PROM1: variants seen among roughly 807,000 people sequenced by gnomAD.
PROM1 encodes the protein prominin 1.
In PROM1, 105 loss-of-function variants were observed where a neutral mutation model predicts 116.9. The ratio of observed to expected loss-of-function variants is 0.90; its 90% CI spans 0.77 to 1.06. The LOEUF (loss-of-function observed/expected upper bound fraction) is 1.06. Ranked by LOEUF, PROM1 falls within the 50% of genes least tolerant of loss-of-function variation. PROM1 has a pLI of 0.00. For synonymous variants in PROM1, 393 were observed against 387.0 expected, an observed-to-expected ratio of 1.02 and a Z score of -0.18; for missense variants, 1,122 against 1,045.2, an observed-to-expected ratio of 1.07 and a Z score of -1.01.
At chr4:15,989,572 C>T (rs1189741856) in intron 19 of PROM1, among the ~76,000 whole-genome samples, 160 bp downstream of exon 19, 2 of 152,170 alleles carry the variant, frequency 1.3e-5, no homozygotes, top group African/African-American at 2.4e-5. Flanking sequence ...GAGGGAGGTG[C>T]AATTATTTTG....
At chr4:16,009,957 A>AAAAAAAAAT (rs1726489492) in intron 11 of PROM1, among the ~76,000 whole-genome samples, 1 of 138,600 alleles carries the variant, frequency 7.2e-6, no homozygotes, top group Non-Finnish European at 1.6e-5. Context: ...AAAAAAAAAA[A>AAAAAAAAAT]GTCTTCAGGA....
intron 5 of PROM1, among the ~76,000 whole-genome samples, chr4:16,026,512 C>A (rs1731331406): frequency 6.6e-6 from 1 of 152,124 alleles, no homozygotes; most frequent in Non-Finnish European, 1.5e-5. Context: ...AAAAACATAT[C>A]AGATGCAGAA....
intron 24 of PROM1, 101 bp downstream of exon 24, chr4:15,980,315 AAAAAAG>A (rs771462940): frequency 8.0e-6 from 7 of 877,312 alleles, no homozygotes; most frequent in African/African-American, 5.1e-5. Flanking sequence ...AAAAAAAAAA[AAAAAAG>A]AAATCAACTT....
intron 15 of PROM1, among the ~76,000 whole-genome samples, chr4:15,995,797 C>A (rs1466993845): frequency 6.6e-6 from 1 of 152,164 alleles, no homozygotes. Flanking sequence ...CATAAGACAC[C>A]CTCCTTGGGG....
At chr4:16,080,741 T>C (rs1219049888) in intron 1 of PROM1, 1 of 152,142 alleles carries the variant, frequency 6.6e-6, no homozygotes. Context: ...CATTGTGAGG[T>C]CAGCTGAGGC....
At chr4:16,053,715 C>G (rs966076342) in intron 2 of PROM1, among the ~76,000 whole-genome samples, 3 of 152,066 alleles carry the variant, frequency 2.0e-5, no homozygotes, top group African/African-American at 7.2e-5. Flanking sequence ...ATGATAAAAC[C>G]AAATAATTTT....
At chr4:15,991,099 A>G (rs1237832357) in intron 18 of PROM1, 123 bp downstream of exon 18, 28 of 723,510 alleles carry the variant, frequency 3.9e-5, no homozygotes, top group Non-Finnish European at 3.7e-5. Flanking sequence ...CACACAAGAG[A>G]GGTGTTTATG....
intron 7 of PROM1, among the ~76,000 whole-genome samples, chr4:16,023,972 G>A (rs996971322): frequency 2.0e-5 from 3 of 152,196 alleles, no homozygotes; most frequent in East Asian, 1.9e-4. Context: ...AGCTGGCTGC[G>A]TCTGTGCAGG....
intron 5 of PROM1, 37 bp from the exon 6 acceptor site, chr4:16,025,349 T>C (rs1446006789): frequency 6.2e-7 from 1 of 1,611,056 alleles, no homozygotes. Context: ...GAGCATTTAC[T>C]GTGTGGTCCA....
At chr4:16,016,379 G>C in intron 9 of PROM1, 139 bp from the exon 10 acceptor site, 1 of 700,438 alleles carries the variant, frequency 1.4e-6, no homozygotes, top group Non-Finnish European at 2.3e-6. Flanking sequence ...TTGAACAATA[G>C]AGTTTTATTT....
At chr4:15,991,146 G>C (rs975796422) in intron 18 of PROM1, 76 bp downstream of exon 18, 7 of 1,219,408 alleles carry the variant, frequency 5.7e-6, no homozygotes, top group Non-Finnish European at 8.2e-6. Flanking sequence ...AACCTCTCCA[G>C]CAGCTTCCCT....
At chr4:16,014,437 T>A (rs1727750765) in intron 10 of PROM1, among the ~76,000 whole-genome samples, 1 of 152,228 alleles carries the variant, frequency 6.6e-6, no homozygotes, top group Non-Finnish European at 1.5e-5. Context: ...CAATGCCTTC[T>A]TTAACAAATG....
In PROM1 at chr4:15,975,541, C is replaced by T; in HGVS notation, c.2582+3854G>A. 1.3e-5 allele frequency among the ~76,000 whole-genome samples: 2 copies of T among 152,146 alleles called. 1 individual carries two copies. Among genetic ancestry groups the T allele is most frequent in the Non-Finnish European group, 2.9e-5 (2 of 68,016 alleles). On this transcript the variant is annotated intron_variant, in intron 26 of 27. Transcript: ENST00000447510. ...GCCTCAAAGCTCTTATTATTCCCTC[C>T]TTCTACAAGTGAGAAAACTGAGTCT...
chr4:16,079,875 T>C (rs1025589572), intron 1 of PROM1: 1 of 151,982 alleles, frequency 6.6e-6, no homozygotes. Context: ...GCCCTTTTCA[T>C]ATTGCTTTGA....
rs770901015 is a variant in PROM1 at position 16,018,519 on chromosome 4, G to A, written c.806C>T (p.Ala269Val). The change falls in exon 9 of 28, where the codon GCG becomes GTG. Residue 269 changes from alanine to valine, a missense_variant. Coordinates refer to ENST00000447510, the MANE Select transcript of PROM1 (RefSeq NM_006017.3). Reference sequence around the variant, plus strand: ...CAAGGTGCTGTTCATGTTCTCCAACGCCTCTTTGGTCTCCTTGATCGCTAT... The same window carrying A: ...CAAGGTGCTGTTCATGTTCTCCAACACCTCTTTGGTCTCCTTGATCGCTAT... Reference protein sequence around the residue: ...MATAIKETKEALENMNSTLKS... With the variant: ...MATAIKETKEVLENMNSTLKS... 14 of 1,609,948 alleles carry A rather than the reference G, an allele frequency of 8.7e-6. 1 individual carries two copies. The highest frequency in any genetic ancestry group is 3.4e-5 in the Admixed American group (2 of 59,604).
chr4:16,035,842 C>T (rs898892259), intron 3 of PROM1, 81 bp from the exon 4 acceptor site: 3 of 1,277,034 alleles, frequency 2.3e-6, no homozygotes, highest in Non-Finnish European at 3.4e-6. Context: ...TATGAGTGAT[C>T]AACCATAACC....
chr4:15,993,811 G>A (rs78360042), intron 16 of PROM1, among the ~76,000 whole-genome samples, 176 bp downstream of exon 16: 91 of 152,250 alleles, frequency 6.0e-4, no homozygotes, highest in Non-Finnish European at 1.1e-3. Flanking sequence ...GTGAGAAAAC[G>A]TTTTGGAACC....
intron 11 of PROM1, among the ~76,000 whole-genome samples, chr4:16,013,002 C>T (rs899932336): frequency 2.0e-5 from 3 of 151,808 alleles, no homozygotes; most frequent in Non-Finnish European, 2.9e-5. Context: ...GATCTGAAGG[C>T]GCACACTCTG....
chr4:16,023,214 C>T (rs1022931210), intron 8 of PROM1, 112 bp downstream of exon 8: 13 of 892,720 alleles, frequency 1.5e-5, no homozygotes, highest in Admixed American at 2.0e-5. Context: ...TGGCCACGGA[C>T]GGTGGCTCTC....
Sources: gnomAD v4.1 joint callset for allele counts (sites outside exome capture counted in the v4.1 genomes callset) on GRCh38, gnomAD v4.1.1 for gene constraint, MANE v1.5 for transcripts, NCBI Gene and HGNC (gene_info 2026-07-23, HGNC 2026-07-21) for gene names.